The following ANKRD13C variants were observed in gnomAD, a reference collection of about 807,000 sequenced individuals.
The protein encoded by ANKRD13C is ankyrin repeat domain-containing protein 13C.
Under a neutral mutation model 65.5 loss-of-function variants are expected in ANKRD13C, and 16 were observed. The ratio of observed to expected loss-of-function variants is 0.24; its 90% CI spans 0.17 to 0.37. ANKRD13C has a LOEUF of 0.37. Ranked by LOEUF, ANKRD13C falls within the 10% of genes least tolerant of loss-of-function variation. ANKRD13C has a pLI of 1.00. For missense variants in ANKRD13C, 503 were observed against 655.9 expected (o/e 0.77, Z 2.55); for synonymous variants, 235 against 238.7 (o/e 0.98, Z 0.14).
intron 2 of ANKRD13C, among the ~76,000 whole-genome samples, chr1:70,327,092 A>T (rs1437184038): frequency 6.6e-6 from 1 of 152,162 alleles, no homozygotes; most frequent in East Asian, 1.9e-4. Context: ...TAGGATATTC[A>T]CATGGAACCA....
intron 7 of ANKRD13C, among the ~76,000 whole-genome samples, chr1:70,296,937 T>C (rs985091235): frequency 2.5e-4 from 38 of 152,204 alleles, no homozygotes; most frequent in African/African-American, 8.0e-4. Flanking sequence ...TCCCTAGTGC[T>C]GGTATATAAT....
intron 9 of ANKRD13C, among the ~76,000 whole-genome samples, chr1:70,287,048 A>C (rs1230466297): frequency 6.6e-6 from 1 of 152,014 alleles, no homozygotes; most frequent in African/African-American, 2.4e-5. Flanking sequence ...AAATATAAAA[A>C]TTACATTTAT....
At chr1:70,323,787 C>G (rs757662673) in intron 3 of ANKRD13C, among the ~76,000 whole-genome samples, 51 of 148,980 alleles carry the variant, frequency 3.4e-4, no homozygotes, top group Non-Finnish European at 6.8e-4. Flanking sequence ...TGCAATGGTG[C>G]GATCTCGGCT....
intron 5 of ANKRD13C, among the ~76,000 whole-genome samples, 178 bp downstream of exon 5, chr1:70,313,567 A>G (rs1680940826): frequency 6.6e-6 from 1 of 152,106 alleles, no homozygotes; most frequent in African/African-American, 2.4e-5. Context: ...TTACTAATCA[A>G]GTTGGAATAA....
intron 12 of ANKRD13C, among the ~76,000 whole-genome samples, chr1:70,264,099 G>A (rs936482477): frequency 1.3e-5 from 2 of 152,114 alleles, no homozygotes; most frequent in Non-Finnish European, 2.9e-5. Flanking sequence ...CCTATTGCCA[G>A]GCCTATTTTG....
In ANKRD13C at chr1:70,295,273, G is replaced by A. The variant is rs775593231; in HGVS notation, c.1053+857C>T. ...TTTATTTATTTATTTTTTTTGAGAC[G>A]GAGTCTCACTCTGTCTCAGGCTGGA... On this transcript the variant is annotated intron_variant, in intron 8 of 12. Coordinates refer to ENST00000370944, the MANE Select transcript of ANKRD13C (RefSeq NM_030816.5). Among the ~76,000 whole-genome samples the A allele has an allele frequency of 5.3e-5, 8 of 150,108 alleles. No individual in the cohort carries two copies. The East Asian group carries it at 7.8e-4, about 15-fold the overall frequency.
At chr1:70,348,417 G>A (rs112437733) in intron 1 of ANKRD13C, among the ~76,000 whole-genome samples, 2 of 151,836 alleles carry the variant, frequency 1.3e-5, no homozygotes, top group East Asian at 1.9e-4. Flanking sequence ...AGGTGCGCGC[G>A]ACCATGCCCG....
intron 2 of ANKRD13C, among the ~76,000 whole-genome samples, chr1:70,334,834 A>G (rs1308995321): frequency 6.6e-6 from 1 of 151,984 alleles, no homozygotes; most frequent in Non-Finnish European, 1.5e-5. Context: ...TGAACCTGGG[A>G]GGCAGAGATT....
chr1:70,351,825 G>C (rs1179546949), intron 1 of ANKRD13C, among the ~76,000 whole-genome samples: 2 of 152,072 alleles, frequency 1.3e-5, no homozygotes, highest in Non-Finnish European at 2.9e-5. Context: ...TAATGTATCA[G>C]AAAAATCTAT....
intron 3 of ANKRD13C, among the ~76,000 whole-genome samples, chr1:70,318,685 T>TTG (rs938451316): frequency 2.8e-5 from 4 of 145,060 alleles, no homozygotes; most frequent in Admixed American, 7.0e-5. Flanking sequence ...CTTTGTTTTT[T>TTG]TTTTTTTTTT....
intron 1 of ANKRD13C, among the ~76,000 whole-genome samples, chr1:70,340,776 T>C (rs1158973308): frequency 1.3e-5 from 2 of 152,210 alleles, no homozygotes; most frequent in Non-Finnish European, 2.9e-5. Context: ...CCACTTTTCA[T>C]TGTGAGACAT....
intron 12 of ANKRD13C, among the ~76,000 whole-genome samples, chr1:70,264,923 G>A (rs1019702449): frequency 2.1e-4 from 32 of 152,290 alleles, no homozygotes; most frequent in Middle Eastern, 3.4e-3. Context: ...AAACCATGCA[G>A]TTGCCTGGAG....
intron 12 of ANKRD13C, among the ~76,000 whole-genome samples, chr1:70,266,599 G>A (rs1678639687): frequency 6.6e-6 from 1 of 152,026 alleles, no homozygotes; most frequent in African/African-American, 2.4e-5. Context: ...TCTCAGCACT[G>A]CTTTAGCTAT....
At position 70,354,486 on chromosome 1, in the gene ANKRD13C, G is replaced by A; in HGVS notation, c.-78C>T. On this transcript the variant is annotated 5_prime_UTR_variant, in exon 1 of 13. Coordinates refer to ENST00000370944, the MANE Select transcript of ANKRD13C (RefSeq NM_030816.5). ...AGCTGGCGCTGCGGCGGCACAAGGC[G>A]ATTAGAGCGGTGGCCAAGAGCCTCC... The A allele has an allele frequency of 6.7e-7, 1 of 1,500,462 alleles. No individual in the cohort carries two copies. Among genetic ancestry groups the A allele is most frequent in the South Asian group, 1.3e-5 (1 of 75,330 alleles). The allele number at this position is 1,500,462 out of a possible 1,614,324, so 92.9% of individuals were successfully genotyped here. A position where few individuals can be genotyped will look rare whatever the true frequency, so the allele number is the denominator to read the frequency against.
intron 9 of ANKRD13C, among the ~76,000 whole-genome samples, chr1:70,279,675 G>C (rs1318261293): frequency 1.3e-5 from 2 of 151,708 alleles, no homozygotes; most frequent in Non-Finnish European, 2.9e-5. Context: ...GCTAATTTTT[G>C]TATTTTTAAT....
chr1:70,316,520 T>TA (rs368495292), intron 3 of ANKRD13C, among the ~76,000 whole-genome samples: 12,783 of 137,592 alleles, frequency 0.093, 637 homozygotes, highest in South Asian at 0.21. Flanking sequence ...CCATCTCTAT[T>TA]AAAAAAAAAA....
chr1:70,351,690 G>A (rs1408187798), intron 1 of ANKRD13C, among the ~76,000 whole-genome samples: 6 of 152,070 alleles, frequency 3.9e-5, no homozygotes, highest in Admixed American at 6.6e-5. Flanking sequence ...GTGAGCCACC[G>A]CACCTGGCCA....
chr1:70,315,675 G>T, intron 3 of ANKRD13C, 109 bp from the exon 4 acceptor site: 1 of 754,186 alleles, frequency 1.3e-6, no homozygotes, highest in Non-Finnish European at 2.1e-6. Context: ...ATATATGCAC[G>T]TGCATGTATG....
intron 9 of ANKRD13C, among the ~76,000 whole-genome samples, chr1:70,282,448 G>A (rs1679440119): frequency 6.6e-6 from 1 of 152,132 alleles, no homozygotes; most frequent in Non-Finnish European, 1.5e-5. Context: ...TTAACCCACA[G>A]AGCAGAGAAA....
Sources: allele counts gnomAD v4.1 joint callset (sites outside exome capture counted in the v4.1 genomes callset), GRCh38; gene constraint gnomAD v4.1.1; transcripts MANE v1.5; gene names NCBI Gene and HGNC (gene_info 2026-07-23, HGNC 2026-07-21).